Variants in CTSV observed in about 807,000 individuals in gnomAD.
The protein encoded by CTSV is cathepsin L2.
In CTSV, 33 loss-of-function variants were observed where a neutral mutation model predicts 35.6. That is an observed-to-expected ratio of 0.93 (90% CI 0.70 to 1.24). The LOEUF (loss-of-function observed/expected upper bound fraction) is 1.24, where lower values mean the gene tolerates loss of function less well. Among genes scored for constraint, CTSV ranks in the 50% most tolerant of loss-of-function variants. The pLI, the probability that CTSV is intolerant of heterozygous loss-of-function variation, is 0.00. For synonymous variants in CTSV, 154 were observed against 147.1 expected, an observed-to-expected ratio of 1.05 and a Z score of -0.34; for missense variants, 408 against 413.1, an observed-to-expected ratio of 0.99 and a Z score of 0.11.
chr9:97,036,731 C>T lies in CTSV; in HGVS notation c.413G>A (p.Cys138Tyr), dbSNP rs202043938. 5.0e-5 allele frequency: 80 copies of T among 1,607,550 alleles called. No individual in the cohort carries two copies. Among genetic ancestry groups the T allele is most frequent in the Non-Finnish European group, 6.4e-5 (75 of 1,177,768 alleles). The part of the protein sequence containing the change: ...PVKNQKQCGS[C>Y]WAFSATGALE... ...AGCACCAGTCGCACTAAAAGCCCAA[C>T]AAGAACCACACTGTTTCTAAAAAGG... The change falls in exon 5 of 8, where the codon TGT becomes TAT. Residue 138 changes from cysteine (C) to tyrosine (Y), a missense_variant. By Grantham distance (194) the Cys-to-Tyr change is radical (BLOSUM62 -2). Coordinates refer to ENST00000259470, the MANE Select transcript of CTSV (RefSeq NM_001333.4).
At position 97,030,085 on chromosome 9, in the gene CTSV, A is replaced by C. The variant is rs760758484; in HGVS notation, c.*2864T>G. 1.3e-5 allele frequency: 2 copies of C among 152,264 alleles called. No individual in the cohort carries two copies. The highest frequency in any genetic ancestry group is 2.9e-5 in the Non-Finnish European group (2 of 68,052). The allele number at this position is 152,264 out of a possible 1,614,324, so 9.4% of individuals were successfully genotyped here. On this transcript the variant is annotated 3_prime_UTR_variant, in exon 8 of 8. Transcript: ENST00000259470. Reference sequence around the variant, plus strand: ...TCAGAATGTATCCCCATCATTAAGCAACACATGACTGTATATATACATTTA... The same window carrying C: ...TCAGAATGTATCCCCATCATTAAGCCACACATGACTGTATATATACATTTA...
intron 5 of CTSV, 184 bp downstream of exon 5, chr9:97,036,339 G>A: frequency 1.6e-6 from 1 of 622,866 alleles, no homozygotes. Context: ...CCAAACTGCT[G>A]GGATTACAGG....
Position 97,036,647 on chromosome 9 carries a change from A to G in CTSV, c.497T>C (p.Leu166Pro). ...GKLVSLSEQN[L>P]VDCSRPQGNQ... is the part of the protein sequence containing the mutation. Reference sequence around the variant, plus strand: ...GCCTTGAGGACGCGAACAGTCCACCAGATTCTGCTCGCTCAGTGAGACAAG... The same window carrying G: ...GCCTTGAGGACGCGAACAGTCCACCGGATTCTGCTCGCTCAGTGAGACAAG... The change falls in exon 5 of 8, where the codon CTG becomes CCG. Residue 166 changes from leucine (L) to proline (P), a missense_variant. Leu to Pro is a moderately conservative substitution (Grantham distance 98, BLOSUM62 -3). Transcript: ENST00000259470. The G allele has an allele frequency of 6.2e-7, 1 of 1,614,070 alleles. No homozygotes were observed. Among genetic ancestry groups the G allele is most frequent in the East Asian group, 2.2e-5 (1 of 44,878 alleles).
chr9:97,035,374 CTAAG>C (rs780760521), intron 6 of CTSV, among the ~76,000 whole-genome samples, 150 bp downstream of exon 6: 4 of 152,218 alleles, frequency 2.6e-5, no homozygotes, highest in Non-Finnish European at 5.9e-5. Flanking sequence ...TTTAACATAA[CTAAG>C]TATTTTCTCA....
chr9:97,037,795 G>T, intron 2 of CTSV, 123 bp downstream of exon 2: 1 of 1,388,438 alleles, frequency 7.2e-7, no homozygotes, highest in Non-Finnish European at 1.0e-6. Flanking sequence ...CACCTATAAT[G>T]GGTGCTGTTA....
At chr9:97,035,436 A>G (rs1828828552) in intron 6 of CTSV, 92 bp downstream of exon 6, 2 of 1,042,324 alleles carry the variant, frequency 1.9e-6, no homozygotes, top group Non-Finnish European at 1.3e-6. Context: ...TCAAAATACT[A>G]CATTCCTGCA....
chr9:97,036,417 T>C (rs188724788), intron 5 of CTSV, 106 bp downstream of exon 5: 5 of 841,622 alleles, frequency 5.9e-6, no homozygotes, highest in South Asian at 5.8e-5. Context: ...CAGATGTAGA[T>C]TCTACCATAT....
rs1828881921 is a variant in CTSV, at chr9:97,037,817, G to A, written c.126+101C>T. Reference sequence around the variant, plus strand: ...AATGGGTGCTGTTAGGTTATTGCCTGGTAAGGTCTGGTGTCTAGAAGCTAC... The same window carrying A: ...AATGGGTGCTGTTAGGTTATTGCCTAGTAAGGTCTGGTGTCTAGAAGCTAC... On this transcript the variant is annotated intron_variant, in intron 2 of 7. Coordinates refer to ENST00000259470, the MANE Select transcript of CTSV (RefSeq NM_001333.4). The A allele has an allele frequency of 3.4e-6, 5 of 1,486,900 alleles. No individual in the cohort carries two copies. The East Asian group carries it at 1.1e-4, about 34-fold the overall frequency. 92.1% of individuals were successfully genotyped at this position (1,486,900 alleles called of 1,614,324 possible). A position where few individuals can be genotyped will look rare whatever the true frequency, so the allele number is the denominator to read the frequency against.
intron 6 of CTSV, 123 bp downstream of exon 6, chr9:97,035,405 C>T: frequency 1.5e-6 from 1 of 688,816 alleles, no homozygotes; most frequent in Non-Finnish European, 2.1e-6. Flanking sequence ...ATGCAAACAT[C>T]ACTATGTTAA....
chr9:97,038,202 T>C (rs144987366), intron 1 of CTSV, 149 bp from the exon 2 acceptor site: 1 of 824,070 alleles, frequency 1.2e-6, no homozygotes, highest in South Asian at 2.0e-5. Flanking sequence ...TGGAGGTATT[T>C]GATGGGCCCA....
At position 97,030,563 on chromosome 9, in the gene CTSV, C is replaced by T. The variant is rs1828725137; in HGVS notation, c.*2386G>A. 1 of 151,964 alleles carries T rather than the reference C, an allele frequency of 6.6e-6. No individual in the cohort carries two copies. Among genetic ancestry groups the T allele is most frequent in the Admixed American group, 6.6e-5 (1 of 15,248 alleles). 9.4% of individuals were successfully genotyped at this position (151,964 alleles called of 1,614,324 possible). A position where few individuals can be genotyped will look rare whatever the true frequency, so the allele number is the denominator to read the frequency against. On this transcript the variant is annotated 3_prime_UTR_variant, in exon 8 of 8. Coordinates refer to ENST00000259470, the MANE Select transcript of CTSV (RefSeq NM_001333.4). ...CTCACAGCTTTCAGAGCTGAGAGCC[C>T]CGAACAGAGATTTACCCATGTTTAT...
chr9:97,039,137 T>C lies in CTSV; in HGVS notation c.-77A>G, dbSNP rs960514134. On this transcript the variant is annotated 5_prime_UTR_variant, in exon 1 of 8. Coordinates refer to ENST00000259470, the MANE Select transcript of CTSV (RefSeq NM_001333.4). Reference sequence around the variant, plus strand: ...CCTCTGAGATTACAGACGTCCGCGGTCTGGTGCAGGTTCGCCCGCCTCGGG... The same window carrying C: ...CCTCTGAGATTACAGACGTCCGCGGCCTGGTGCAGGTTCGCCCGCCTCGGG... 3.9e-5 allele frequency: 6 copies of C among 152,270 alleles called. No homozygotes were observed. The highest frequency in any genetic ancestry group is 8.8e-5 in the Non-Finnish European group (6 of 68,072). The allele number at this position is 152,270 out of a possible 1,614,324, so 9.4% of individuals were successfully genotyped here.
chr9:97,035,183 T>C (rs1175884568), intron 6 of CTSV, among the ~76,000 whole-genome samples: 1 of 152,204 alleles, frequency 6.6e-6, no homozygotes, highest in Non-Finnish European at 1.5e-5. Flanking sequence ...TTTCTGTTCC[T>C]AGGATGTCAG....
intron 7 of CTSV, among the ~76,000 whole-genome samples, chr9:97,033,410 A>G (rs1034667910): frequency 1.3e-5 from 2 of 150,020 alleles, no homozygotes; most frequent in Non-Finnish European, 3.0e-5. Context: ...CAGGAGTTTG[A>G]GACCAGCTTG....
chr9:97,037,564 C>T lies in CTSV; in HGVS notation c.178G>A (p.Glu60Lys). The part of the protein sequence containing the change: ...AVWEKNMKMI[E>K]LHNGEYSQGK... ...TGGCTGTATTCCCCATTGTGCAGTT[C>T]AATCATTTTCATATTCTTTTCCCAC... Residue 60 changes from glutamate (E) to lysine (K), a missense_variant, in exon 3 of 8, where the codon GAA becomes AAA. Physicochemically the swap from Glu to Lys is moderately conservative, Grantham distance 56. Coordinates refer to ENST00000259470, the MANE Select transcript of CTSV (RefSeq NM_001333.4). The T allele has an allele frequency of 1.9e-6, 3 of 1,614,134 alleles. No individual in the cohort carries two copies. Among genetic ancestry groups the T allele is most frequent in the Non-Finnish European group, 2.5e-6 (3 of 1,180,022 alleles).
rs1297054791 is a variant in CTSV at position 97,030,781 on chromosome 9, C to T, written c.*2168G>A. On this transcript the variant is annotated 3_prime_UTR_variant, in exon 8 of 8. Transcript: ENST00000259470. ...AAGCCGTTTTCCCGCCCTGGGTGGT[C>T]CAGGTGTTCCTTGCTCTCATTCCGG... The T allele has an allele frequency of 6.6e-6, 1 of 152,160 alleles. No homozygotes were observed. Among genetic ancestry groups the T allele is most frequent in the African/African-American group, 2.4e-5 (1 of 41,438 alleles). 9.4% of individuals were successfully genotyped at this position (152,160 alleles called of 1,614,324 possible).
At position 97,039,111 on chromosome 9, in the gene CTSV, G is replaced by A. The variant is rs1294531587; in HGVS notation, c.-51C>T. ...CTGCGCAGGCACCCTCAGCAAACAA[G>A]CCTCTGAGATTACAGACGTCCGCGG... On this transcript the variant is annotated 5_prime_UTR_variant, in exon 1 of 8. Coordinates refer to ENST00000259470, the MANE Select transcript of CTSV (RefSeq NM_001333.4). 1 of 152,410 alleles carries A rather than the reference G, an allele frequency of 6.6e-6. No individual in the cohort carries two copies. Among genetic ancestry groups the A allele is most frequent in the African/African-American group, 2.4e-5 (1 of 41,478 alleles). The allele number at this position is 152,410 out of a possible 1,614,324, so 9.4% of individuals were successfully genotyped here.
At chr9:97,037,762 A>G (rs1477887488) in intron 2 of CTSV, 147 bp from the exon 3 acceptor site, 2 of 1,385,894 alleles carry the variant, frequency 1.4e-6, no homozygotes, top group East Asian at 2.3e-5. Flanking sequence ...GCCAAGACAC[A>G]ATGGAGATAT....
rs1374966768 is a variant in CTSV at position 97,032,426 on chromosome 9, T to G, written c.*523A>C. 1 of 152,274 alleles carries G rather than the reference T, an allele frequency of 6.6e-6. No individual in the cohort carries two copies. The highest frequency in any genetic ancestry group is 1.5e-5 in the Non-Finnish European group (1 of 68,142). The allele number at this position is 152,274 out of a possible 1,614,324, so 9.4% of individuals were successfully genotyped here. A position where few individuals can be genotyped will look rare whatever the true frequency, so the allele number is the denominator to read the frequency against. ...CATAAAAAAAAAAAATGTAGGTTTGTCCTTCCAAATTGTTTATCAAATTTT... is the reference window on the plus strand; with the variant it reads ...CATAAAAAAAAAAAATGTAGGTTTGGCCTTCCAAATTGTTTATCAAATTTT... On this transcript the variant is annotated 3_prime_UTR_variant, in exon 8 of 8. Transcript: ENST00000259470.
Sources: gnomAD v4.1 joint callset for allele counts (sites outside exome capture counted in the v4.1 genomes callset) on GRCh38, gnomAD v4.1.1 for gene constraint, MANE v1.5 for transcripts, NCBI Gene and HGNC (gene_info 2026-07-23, HGNC 2026-07-21) for gene names.